TMEM30A: variants seen among roughly 807,000 people sequenced by gnomAD.
The protein encoded by TMEM30A is cell division cycle 50 P4-ATPase accessory subunit A, also known as cell cycle control protein 50A.
In TMEM30A, 24 loss-of-function variants were observed where a neutral mutation model predicts 38.2. The ratio of observed to expected loss-of-function variants is 0.63; its 90% CI spans 0.46 to 0.88. TMEM30A has a LOEUF of 0.88. Ranked by LOEUF, TMEM30A falls within the 40% of genes least tolerant of loss-of-function variation. TMEM30A has a pLI of 0.00. For synonymous variants in TMEM30A, 145 were observed against 161.6 expected, an observed-to-expected ratio of 0.90 and a Z score of 0.78; for missense variants, 370 against 458.6, an observed-to-expected ratio of 0.81 and a Z score of 1.77.
At position 75,265,104 on chromosome 6, in the gene TMEM30A, A is replaced by G. The variant is rs184877428; in HGVS notation, c.453+127T>C. ...AAAGTGAGACTCCATCTCGGGGGGA[A>G]AAAAATCCTCACTATACAAACTATA... On this transcript the variant is annotated intron_variant, in intron 3 of 6. Transcript: ENST00000230461. The G allele has an allele frequency of 5.2e-6, 3 of 575,710 alleles. No homozygotes were observed. The East Asian group carries it at 1.3e-4, about 25-fold the overall frequency. The allele number at this position is 575,710 out of a possible 1,614,324, so 35.7% of individuals were successfully genotyped here. A position where few individuals can be genotyped will look rare whatever the true frequency, so the allele number is the denominator to read the frequency against.
intron 3 of TMEM30A, among the ~76,000 whole-genome samples, chr6:75,261,852 T>A (rs1771969795): frequency 6.6e-6 from 1 of 152,030 alleles, no homozygotes; most frequent in Non-Finnish European, 1.5e-5. Context: ...TCTCATAAAG[T>A]CTCTTCAATA....
chr6:75,284,374 A>G lies in TMEM30A; in HGVS notation c.237+28T>C, dbSNP rs371089627. ...TAGGACCCTCCTCCCGAGCAACGCC[A>G]ACTCCCACCACAGCTCCCTCCCCTC... On this transcript the variant is annotated intron_variant, in intron 1 of 6. Coordinates refer to ENST00000230461, the MANE Select transcript of TMEM30A (RefSeq NM_018247.4). 5.7e-5 allele frequency: 91 copies of G among 1,606,886 alleles called. 1 individual carries two copies. In the East Asian group the frequency reaches 1.2e-3, roughly 22 times the overall value.
In TMEM30A at chr6:75,284,197, A is replaced by G. The variant is rs1772416084; in HGVS notation, c.237+205T>C. The G allele has an allele frequency of 1.1e-5, 7 of 617,288 alleles. No individual in the cohort carries two copies. In the East Asian group the frequency reaches 1.7e-4, roughly 15 times the overall value. The allele number at this position is 617,288 out of a possible 1,614,324, so 38.2% of individuals were successfully genotyped here. On this transcript the variant is annotated intron_variant, in intron 1 of 6. Coordinates refer to ENST00000230461, the MANE Select transcript of TMEM30A (RefSeq NM_018247.4). ...TGGATTTGCTCTTTCGTAAATCTCG[A>G]GCAAGACAAAGCTAGGACAAACCTG...
chr6:75,253,673 A>G lies in TMEM30A; in HGVS notation c.*2429T>C, dbSNP rs1771820998. The stretch of plus-strand genomic sequence containing the variant: ...TAACCAAATATTATCATTTAATAAA[A>G]TCAACGTTACAAAGAAACTCACTAG... On this transcript the variant is annotated 3_prime_UTR_variant, in exon 7 of 7. Coordinates refer to ENST00000230461, the MANE Select transcript of TMEM30A (RefSeq NM_018247.4). The G allele has an allele frequency of 6.6e-6, 1 of 152,604 alleles. No homozygotes were observed. The highest frequency in any genetic ancestry group is 6.6e-5 in the Admixed American group (1 of 15,262). The allele number at this position is 152,604 out of a possible 1,614,324, so 9.5% of individuals were successfully genotyped here. A position where few individuals can be genotyped will look rare whatever the true frequency, so the allele number is the denominator to read the frequency against.
chr6:75,274,797 G>T (rs1225363950), intron 1 of TMEM30A, among the ~76,000 whole-genome samples: 1 of 152,106 alleles, frequency 6.6e-6, no homozygotes, highest in Non-Finnish European at 1.5e-5. Flanking sequence ...GCCAAGGCGA[G>T]CGGATCATGA....
chr6:75,275,208 T>C (rs1477598755), intron 1 of TMEM30A, among the ~76,000 whole-genome samples: 1 of 152,094 alleles, frequency 6.6e-6, no homozygotes, highest in Non-Finnish European at 1.5e-5. Context: ...AACACTGGAG[T>C]GACTCAGGGA....
At chr6:75,267,023 A>G (rs954441949) in intron 2 of TMEM30A, among the ~76,000 whole-genome samples, 8 of 152,170 alleles carry the variant, frequency 5.3e-5, no homozygotes, top group African/African-American at 1.9e-4. Context: ...CTCCCTTAAG[A>G]ATAATTATTT....
intron 1 of TMEM30A, 21 bp downstream of exon 1, chr6:75,284,381 A>G: frequency 6.2e-7 from 1 of 1,611,458 alleles, no homozygotes; most frequent in South Asian, 1.1e-5. Flanking sequence ...GCCAACTCCC[A>G]CCACAGCTCC....
chr6:75,259,014 A>G (rs1242306673), intron 5 of TMEM30A, 28 bp from the exon 6 acceptor site: 1 of 1,572,752 alleles, frequency 6.4e-7, no homozygotes, highest in Non-Finnish European at 8.7e-7. Context: ...GGGGATAAGG[A>G]GACAAAATAT....
chr6:75,265,176 A>T, intron 3 of TMEM30A, 55 bp downstream of exon 3: 1 of 1,081,848 alleles, frequency 9.2e-7, no homozygotes, highest in Non-Finnish European at 1.4e-6. Context: ...CTGAACAGTT[A>T]CTACATATTC....
At chr6:75,284,328 G>A (rs1218281573) in intron 1 of TMEM30A, 74 bp downstream of exon 1, 1 of 1,430,790 alleles carries the variant, frequency 7.0e-7, no homozygotes, top group African/African-American at 1.4e-5. Context: ...TGGGCGCTGG[G>A]AAAGAAGTGG....
intron 1 of TMEM30A, chr6:75,272,457 C>T (rs564222837): frequency 3.9e-4 from 59 of 152,332 alleles, no homozygotes; most frequent in African/African-American, 1.3e-3. Flanking sequence ...TTCTCCCTTG[C>T]ACTTACCTAT....
At chr6:75,268,391 G>T (rs1432236206) in intron 1 of TMEM30A, among the ~76,000 whole-genome samples, 1 of 152,188 alleles carries the variant, frequency 6.6e-6, no homozygotes, top group African/African-American at 2.4e-5. Context: ...CGGACCTTTG[G>T]CCCAGCCCAA....
In TMEM30A at chr6:75,253,218, A is replaced by G. The variant is rs191000383; in HGVS notation, c.*2884T>C. 55 of 152,292 alleles carry G rather than the reference A, an allele frequency of 3.6e-4. No individual in the cohort carries two copies. Among genetic ancestry groups the G allele is most frequent in the African/African-American group, 1.3e-3 (52 of 41,580 alleles). 9.4% of individuals were successfully genotyped at this position (152,292 alleles called of 1,614,324 possible). ...AAGGCAATGGTTCTATGAAGACAGG[A>G]GAGGTAGCAGGCTGAACCGCATTCA... On this transcript the variant is annotated 3_prime_UTR_variant, in exon 7 of 7. Transcript: ENST00000230461.
Position 75,255,517 on chromosome 6 carries a change from G to A in TMEM30A, c.*585C>T, listed in dbSNP as rs1246948485. The A allele has an allele frequency of 1.3e-5, 2 of 152,508 alleles. No homozygotes were observed. The highest frequency in any genetic ancestry group is 2.9e-5 in the Non-Finnish European group (2 of 68,018). The allele number at this position is 152,508 out of a possible 1,614,324, so 9.4% of individuals were successfully genotyped here. On this transcript the variant is annotated 3_prime_UTR_variant, in exon 7 of 7. Coordinates refer to ENST00000230461, the MANE Select transcript of TMEM30A (RefSeq NM_018247.4). ...TTCTTATGCCAGACAAGGTAAGCGT[G>A]TCCTTTGAAATCAAAGCTAAGCTTG...
Position 75,271,467 on chromosome 6 carries a change from T to C in TMEM30A, c.238-3719A>G, listed in dbSNP as rs112364856. On this transcript the variant is annotated intron_variant, in intron 1 of 6. Transcript: ENST00000230461. ...AAAAATTACATGTCTTTTGATGCCA[T>C]GAAAATCTGAAAGGACTATTTAAAA... is the stretch of plus-strand genomic sequence containing the variant. Among the ~76,000 whole-genome samples, 277 of 152,268 alleles carry C rather than the reference T, an allele frequency of 1.8e-3. 1 individual carries two copies. Among genetic ancestry groups the C allele is most frequent in the Admixed American group, 4.0e-3 (61 of 15,296 alleles).
At chr6:75,283,387 TCAA>T (rs1199956158) in intron 1 of TMEM30A, among the ~76,000 whole-genome samples, 2 of 150,656 alleles carry the variant, frequency 1.3e-5, no homozygotes, top group Non-Finnish European at 2.9e-5. Context: ...TCCTGCCCTT[TCAA>T]ATAGATTTAG....
At chr6:75,273,780 T>A (rs1772215119) in intron 1 of TMEM30A, among the ~76,000 whole-genome samples, 1 of 152,202 alleles carries the variant, frequency 6.6e-6, no homozygotes, top group South Asian at 2.1e-4. Context: ...CAAGTTTGAT[T>A]TATAGTATAT....
intron 1 of TMEM30A, among the ~76,000 whole-genome samples, chr6:75,277,586 C>T (rs1033551277): frequency 6.6e-6 from 1 of 151,966 alleles, no homozygotes; most frequent in African/African-American, 2.4e-5. Flanking sequence ...GCCTGGGCAA[C>T]GGCAAGGCCC....
Sources: gnomAD v4.1 joint callset for allele counts (sites outside exome capture counted in the v4.1 genomes callset) on GRCh38, gnomAD v4.1.1 for gene constraint, MANE v1.5 for transcripts, NCBI Gene and HGNC (gene_info 2026-07-23, HGNC 2026-07-21) for gene names.